Variants in MRS2 observed in about 807,000 individuals in gnomAD.
The protein encoded by MRS2 is magnesium transporter MRS2.
Under a neutral mutation model 52.6 loss-of-function variants are expected in MRS2, and 40 were observed. The observed-to-expected ratio is 0.76, with a 90% CI of 0.59 to 0.99. MRS2 has a LOEUF of 0.99. Among genes scored for constraint, MRS2 ranks in the 50% least tolerant of loss-of-function variants. The pLI, the probability that MRS2 is intolerant of heterozygous loss-of-function variation, is 0.00. For missense variants in MRS2, 472 were observed against 532.7 expected (o/e 0.89, Z 1.12); for synonymous variants, 193 against 195.9 (o/e 0.98, Z 0.13).
At chr6:24,419,413 A>G (rs1399844618) in intron 9 of MRS2, among the ~76,000 whole-genome samples, 1 of 152,200 alleles carries the variant, frequency 6.6e-6, no homozygotes, top group Non-Finnish European at 1.5e-5. Context: ...AGGTGTGATA[A>G]AACAGTGTCT....
intron 2 of MRS2, among the ~76,000 whole-genome samples, chr6:24,406,377 C>T (rs1761476387): frequency 6.6e-6 from 1 of 151,124 alleles, no homozygotes. Context: ...AACATAAGAG[C>T]TTTTCTTTAT....
chr6:24,416,308 A>G (rs965043511), intron 6 of MRS2, 89 bp from the exon 7 acceptor site: 44 of 607,300 alleles, frequency 7.2e-5, no homozygotes, highest in Non-Finnish European at 1.2e-4. Flanking sequence ...ATAAGATAAT[A>G]TATTTGATAA....
intron 2 of MRS2, 140 bp downstream of exon 2, chr6:24,405,381 C>T (rs1484287943): frequency 8.0e-6 from 5 of 627,954 alleles, no homozygotes; most frequent in Non-Finnish European, 1.4e-5. Context: ...TTGTGCCTGG[C>T]CAGTGACCTA....
chr6:24,415,649 A>G (rs1355495180), intron 6 of MRS2, among the ~76,000 whole-genome samples: 3 of 152,340 alleles, frequency 2.0e-5, no homozygotes, highest in African/African-American at 4.8e-5. Context: ...TTCTTATCCA[A>G]AAATGTTGGA....
At chr6:24,416,591 A>C (rs1322504077) in intron 7 of MRS2, 78 bp downstream of exon 7, 1 of 798,252 alleles carries the variant, frequency 1.3e-6, no homozygotes, top group Non-Finnish European at 2.1e-6. Flanking sequence ...GTGATTTTTC[A>C]TACAGAATGT....
intron 4 of MRS2, among the ~76,000 whole-genome samples, chr6:24,409,882 G>T (rs972374124): frequency 1.1e-4 from 17 of 152,176 alleles, no homozygotes; most frequent in African/African-American, 4.1e-4. Flanking sequence ...ATTTATAATA[G>T]ATATATATCC....
chr6:24,411,769 C>T (rs1336998292), intron 4 of MRS2, among the ~76,000 whole-genome samples: 1 of 151,952 alleles, frequency 6.6e-6, no homozygotes, highest in Admixed American at 6.6e-5. Context: ...GATCTCTTGA[C>T]CTCATGATCC....
At chr6:24,419,500 C>A (rs181824448) in intron 9 of MRS2, among the ~76,000 whole-genome samples, 2 of 152,246 alleles carry the variant, frequency 1.3e-5, no homozygotes, top group Admixed American at 1.3e-4. Context: ...GGTTTGCATA[C>A]TTTATTTGGC....
At position 24,405,150 on chromosome 6, in the gene MRS2, TCTTAA is replaced by T; in HGVS notation, c.191-17_191-13del. 1 of 1,603,510 alleles carries T rather than the reference TCTTAA, an allele frequency of 6.2e-7. No homozygotes were observed. The highest frequency in any genetic ancestry group is 8.5e-7 in the Non-Finnish European group (1 of 1,170,310). On this transcript the variant is annotated splice_polypyrimidine_tract_variant and intron_variant, in intron 1 of 10. Coordinates refer to ENST00000378386, the MANE Select transcript of MRS2 (RefSeq NM_020662.4). ...ACCAATCATGTGACCACAGGAATTC[TCTTAA>T]TTTATTCTTCAGGTGAAGTGCACCG...
At chr6:24,418,823 C>G (rs933163190) in intron 9 of MRS2, 1 of 337,510 alleles carries the variant, frequency 3.0e-6, no homozygotes, top group African/African-American at 2.1e-5. Flanking sequence ...CACTTGAACC[C>G]GGGAGGCGGA....
intron 2 of MRS2, 68 bp downstream of exon 2, chr6:24,405,309 C>T: frequency 2.7e-5 from 32 of 1,166,866 alleles, no homozygotes; most frequent in Non-Finnish European, 3.9e-5. Flanking sequence ...ACTCGTTGGA[C>T]TGTTGGCCAA....
chr6:24,409,324 T>C (rs1361065575), intron 3 of MRS2, 137 bp from the exon 4 acceptor site: 4 of 541,096 alleles, frequency 7.4e-6, no homozygotes, highest in African/African-American at 1.9e-5. Context: ...AAATGGATAT[T>C]AAAAGACTTA....
chr6:24,408,467 C>A, intron 3 of MRS2, 23 bp downstream of exon 3: 1 of 1,527,456 alleles, frequency 6.5e-7, no homozygotes, highest in Non-Finnish European at 9.0e-7. Flanking sequence ...CATTCTAAAT[C>A]ATTTTTTAAA....
In MRS2 at chr6:24,403,225, T is replaced by C. The variant is rs1408070587; in HGVS notation, c.179T>C (p.Leu60Pro). 1 of 1,596,848 alleles carries C rather than the reference T, an allele frequency of 6.3e-7. No homozygotes were observed. Among genetic ancestry groups the C allele is most frequent in the Non-Finnish European group, 8.5e-7 (1 of 1,178,030 alleles). ...RAAQLCGPDR[L>P]RVAGEVHRFR... ...GCGCAGCTTTGCGGGCCCGACCGGC[T>C]CCGCGTGGCAGGTACTGCCCTTCCC... Residue 60 changes from leucine to proline, a missense_variant, in exon 1 of 11, where the codon CTC becomes CCC. Physicochemically the swap from Leu to Pro is moderately conservative, Grantham distance 98. Transcript: ENST00000378386.
rs765416238 is a variant in MRS2, at chr6:24,422,925, G to GTA, written c.1108-11_1108-10insAT. On this transcript the variant is annotated splice_polypyrimidine_tract_variant and intron_variant, in intron 9 of 10. Coordinates refer to ENST00000378386, the MANE Select transcript of MRS2 (RefSeq NM_020662.4). ...GCGTTTTGCGATGGAAATGAACTGT[G>GTA]TTCTCTTTTAGGACCATAGAATTTT... 4 of 1,592,170 alleles carry GTA rather than the reference G, an allele frequency of 2.5e-6. No homozygotes were observed. Among genetic ancestry groups the GTA allele is most frequent in the Non-Finnish European group, 3.4e-6 (4 of 1,162,274 alleles).
chr6:24,419,033 C>T (rs1363852774), intron 9 of MRS2: 3 of 156,212 alleles, frequency 1.9e-5, no homozygotes, highest in East Asian at 1.9e-4. Context: ...GTCAGGAGAT[C>T]GAGGCCATCC....
intron 4 of MRS2, among the ~76,000 whole-genome samples, chr6:24,411,762 C>T (rs561780146): frequency 1.9e-4 from 29 of 152,146 alleles, no homozygotes; most frequent in Admixed American, 1.7e-3. Flanking sequence ...TGGTCTCGAT[C>T]TCTTGACCTC....
intron 3 of MRS2, among the ~76,000 whole-genome samples, chr6:24,409,142 A>G (rs1463295940): frequency 6.6e-6 from 1 of 152,026 alleles, no homozygotes; most frequent in Non-Finnish European, 1.5e-5. Context: ...TACAGTTTAT[A>G]TTTAAGAGAG....
chr6:24,409,142 AT>A (rs1267019284), intron 3 of MRS2, among the ~76,000 whole-genome samples: 1 of 152,026 alleles, frequency 6.6e-6, no homozygotes, highest in Non-Finnish European at 1.5e-5. Context: ...TACAGTTTAT[AT>A]TTAAGAGAGA....
Sources: allele counts gnomAD v4.1 joint callset (sites outside exome capture counted in the v4.1 genomes callset), GRCh38; gene constraint gnomAD v4.1.1; transcripts MANE v1.5; gene names NCBI Gene and HGNC (gene_info 2026-07-23, HGNC 2026-07-21).